Variants in MYO1D observed in about 807,000 individuals in gnomAD.
MYO1D encodes unconventional myosin-Id.
In MYO1D, 83 loss-of-function variants were observed where a neutral mutation model predicts 122.0. The ratio of observed to expected loss-of-function variants is 0.68; its 90% CI spans 0.57 to 0.82. The LOEUF is 0.82. Among genes scored for constraint, MYO1D ranks in the 40% least tolerant of loss-of-function variants. The pLI is 0.00. For synonymous variants in MYO1D, 464 were observed against 446.9 expected, an observed-to-expected ratio of 1.04 and a Z score of -0.48; for missense variants, 1,157 against 1,269.5, an observed-to-expected ratio of 0.91 and a Z score of 1.35.
chr17:32,739,794 T>C (rs2089752845), intron 13 of MYO1D, among the ~76,000 whole-genome samples: 1 of 152,130 alleles, frequency 6.6e-6, no homozygotes. Context: ...AATATTTCTG[T>C]ATGTAGGTGC....
rs761629150 is a variant in MYO1D at position 32,778,427 on chromosome 17, C to CTT, written c.398+52_398+53insAA. The CTT allele has an allele frequency of 1.7e-4, 257 of 1,550,588 alleles. 1 individual carries two copies. The Admixed American group carries it at 2.2e-3, about 14-fold the overall frequency. On this transcript the variant is annotated intron_variant, in intron 3 of 21. Coordinates refer to ENST00000318217, the MANE Select transcript of MYO1D (RefSeq NM_015194.3). The stretch of plus-strand genomic sequence containing the variant: ...CCTAGAGTTTAGGTCTAGCCAAGTC[C>CTT]ATAGAGAAAACAGAGTGCTAAGAAT...
chr17:32,617,184 G>T (rs1404653752), intron 20 of MYO1D, among the ~76,000 whole-genome samples: 1 of 151,950 alleles, frequency 6.6e-6, no homozygotes, highest in Non-Finnish European at 1.5e-5. Context: ...CTCAAAAAAA[G>T]TTAATAAAAA....
intron 21 of MYO1D, among the ~76,000 whole-genome samples, chr17:32,573,795 G>A (rs1000904598): frequency 7.9e-5 from 12 of 152,318 alleles, no homozygotes; most frequent in Non-Finnish European, 1.3e-4. Context: ...AAAGTGCTGG[G>A]ATTACAAGTG....
intron 1 of MYO1D, among the ~76,000 whole-genome samples, chr17:32,870,261 G>C (rs749347227): frequency 3.9e-5 from 6 of 152,218 alleles, no homozygotes; most frequent in Non-Finnish European, 8.8e-5. Flanking sequence ...GGTTGCCAAA[G>C]AATTTCACAT....
chr17:32,707,261 A>C (rs2089320972), intron 16 of MYO1D, among the ~76,000 whole-genome samples: 1 of 152,162 alleles, frequency 6.6e-6, no homozygotes, highest in African/African-American at 2.4e-5. Context: ...CAATCCAAAA[A>C]GCCAATAAGC....
In MYO1D at chr17:32,845,099, G is replaced by C. The variant is rs9914934; in HGVS notation, c.95+31679C>G. ...AAAACATTGTCGATGGCTATTCTGG[G>C]TGGTGAGATTTTTGTGTGATTTTTG... On this transcript the variant is annotated intron_variant, in intron 1 of 21. Coordinates refer to ENST00000318217, the MANE Select transcript of MYO1D (RefSeq NM_015194.3). Among the ~76,000 whole-genome samples, 861 of 151,296 alleles carry C rather than the reference G, an allele frequency of 5.7e-3. 11 individuals are homozygous for C. The highest frequency in any genetic ancestry group is 0.019 in the African/African-American group (791 of 41,370).
intron 1 of MYO1D, among the ~76,000 whole-genome samples, chr17:32,814,515 G>T (rs2430988): frequency 0.41 from 61,823 of 151,990 alleles, 12,918 homozygotes; most frequent in East Asian, 0.53. Context: ...ATAATGAAGG[G>T]CCTCCTTAAT....
At chr17:32,704,954 G>A (rs1313955224) in intron 16 of MYO1D, among the ~76,000 whole-genome samples, 1 of 151,636 alleles carries the variant, frequency 6.6e-6, no homozygotes, top group Non-Finnish European at 1.5e-5. Flanking sequence ...TTTTCAACAT[G>A]AACTTGTATT....
chr17:32,805,112 T>C (rs536140376), intron 1 of MYO1D, among the ~76,000 whole-genome samples: 19 of 152,302 alleles, frequency 1.2e-4, no homozygotes, highest in African/African-American at 4.3e-4. Context: ...TTGAGGGAGC[T>C]TGCTTGCCCC....
intron 19 of MYO1D, among the ~76,000 whole-genome samples, chr17:32,640,913 A>T (rs965415448): frequency 2.6e-5 from 4 of 151,582 alleles, no homozygotes; most frequent in Admixed American, 6.6e-5. Context: ...CCTTTTTAAA[A>T]TTTATTTTAT....
intron 16 of MYO1D, among the ~76,000 whole-genome samples, chr17:32,678,163 C>T (rs1456472389): frequency 6.6e-6 from 1 of 152,178 alleles, no homozygotes; most frequent in Non-Finnish European, 1.5e-5. Flanking sequence ...TTGAACTTTT[C>T]CTAGGGTTAA....
intron 20 of MYO1D, among the ~76,000 whole-genome samples, chr17:32,613,159 G>C (rs1363798007): frequency 6.6e-6 from 1 of 151,456 alleles, no homozygotes; most frequent in Non-Finnish European, 1.5e-5. Flanking sequence ...CTAGCAAAAA[G>C]TTTTTTTTTA....
In MYO1D at chr17:32,721,023, C is replaced by A; in HGVS notation, c.1913G>T (p.Arg638Met). 6.2e-7 allele frequency: 1 copy of A among 1,613,704 alleles called. No individual in the cohort carries two copies. The highest frequency in any genetic ancestry group is 8.5e-7 in the Non-Finnish European group (1 of 1,179,754). The change falls in exon 15 of 22, where the codon AGG becomes ATG. Residue 638 changes from arginine to methionine, a missense_variant and splice_region_variant. Physicochemically the swap from Arg to Met is moderately conservative, Grantham distance 91 (BLOSUM62 -1). Transcript: ENST00000318217. ...GCCTCTCTGACGAGTCTATTCTCAC[C>A]TGTGAAGAAACTTCTCGTATGTCTG... ...FRQTYEKFLH[R>M]YKMISEFTWP... is the part of the protein sequence containing the mutation.
intron 21 of MYO1D, among the ~76,000 whole-genome samples, chr17:32,593,318 A>G (rs2087458063): frequency 6.6e-6 from 1 of 152,154 alleles, no homozygotes; most frequent in African/African-American, 2.4e-5. Context: ...AGAGATGGAG[A>G]TTGTGACAGC....
chr17:32,618,725 C>T (rs1431127662), intron 20 of MYO1D, among the ~76,000 whole-genome samples: 1 of 151,468 alleles, frequency 6.6e-6, no homozygotes, highest in East Asian at 1.9e-4. Flanking sequence ...ACCTCCGACT[C>T]CCGGGTTTCA....
At chr17:32,663,593 C>A (rs534646649) in intron 16 of MYO1D, among the ~76,000 whole-genome samples, 1 of 152,138 alleles carries the variant, frequency 6.6e-6, no homozygotes, top group Non-Finnish European at 1.5e-5. Context: ...TTCCTTGGTT[C>A]GGCTGTAATA....
chr17:32,809,134 T>C (rs72815090), intron 1 of MYO1D, among the ~76,000 whole-genome samples: 1 of 134,566 alleles, frequency 7.4e-6, no homozygotes, highest in South Asian at 2.4e-4. Flanking sequence ...TTGTTTTTGA[T>C]AAAAAAAAAA....
chr17:32,604,395 C>T (rs2087601026), intron 21 of MYO1D, among the ~76,000 whole-genome samples: 1 of 152,120 alleles, frequency 6.6e-6, no homozygotes, highest in Admixed American at 6.5e-5. Flanking sequence ...ATACACCCAC[C>T]CAAATACTCC....
intron 1 of MYO1D, among the ~76,000 whole-genome samples, chr17:32,816,616 G>A (rs374346359): frequency 6.6e-6 from 1 of 152,012 alleles, no homozygotes. Context: ...TCTAGGCAAG[G>A]GAAAAAACAT....
Sources: gnomAD v4.1 joint callset for allele counts (sites outside exome capture counted in the v4.1 genomes callset) on GRCh38, gnomAD v4.1.1 for gene constraint, MANE v1.5 for transcripts, NCBI Gene and HGNC (gene_info 2026-07-23, HGNC 2026-07-21) for gene names.